Variants in ADGRB2 observed in about 807,000 individuals in gnomAD.
ADGRB2 encodes the protein brain-specific angiogenesis inhibitor 2.
Under a neutral mutation model 178.7 loss-of-function variants are expected in ADGRB2, and 47 were observed. The observed-to-expected ratio is 0.26, with a 90% CI of 0.21 to 0.34. The LOEUF is 0.34. Among genes scored for constraint, ADGRB2 ranks in the 10% least tolerant of loss-of-function variants. The probability of loss-of-function intolerance (pLI) is 1.00; values close to 1 mark genes in which losing one functional copy is unlikely to be tolerated. For missense variants in ADGRB2, 1,584 were observed against 2,180.8 expected (o/e 0.73, Z 5.45); for synonymous variants, 870 against 912.4 (o/e 0.95, Z 0.84).
rs766433648 is a variant in ADGRB2, at chr1:31,740,143, C to T, written c.2025G>A (p.Ala675=). 57 of 1,613,986 alleles carry T rather than the reference C, an allele frequency of 3.5e-5. No individual in the cohort carries two copies. Among genetic ancestry groups the T allele is most frequent in the Non-Finnish European group, 3.1e-5 (37 of 1,180,026 alleles). Residue 675 remains alanine (A), a synonymous_variant, in exon 13 of 33, where the codon GCG becomes GCA. Coordinates refer to ENST00000373658, the MANE Select transcript of ADGRB2 (RefSeq NM_001364857.2). The surrounding 1 kb of genome is among the most constrained non-coding windows in gnomAD (Gnocchi z 5.9). ...FFQVVSFMVD[A]ENKEKWDDAQ... ...CATCGTCCCACTTCTCCTTGTTTTC[C>T]GCATCCACCATGAAGCTCACCACCT...
In ADGRB2 at chr1:31,731,010, G is replaced by A; in HGVS notation, c.4170C>T (p.Ala1390=). 1 of 1,579,388 alleles carries A rather than the reference G, an allele frequency of 6.3e-7. No individual in the cohort carries two copies. Among genetic ancestry groups the A allele is most frequent in the Non-Finnish European group, 8.6e-7 (1 of 1,159,818 alleles). The change falls in exon 29 of 33, where the codon GCC becomes GCT. Residue 1390 remains alanine, a synonymous_variant. Coordinates refer to ENST00000373658, the MANE Select transcript of ADGRB2 (RefSeq NM_001364857.2). ...GTPRRAAKTV[A]HTEGYPSFLS... is the part of the protein sequence containing the mutation. Reference sequence around the variant, plus strand: ...GGAAGCTGGGGTAGCCTTCAGTGTGGGCCACTGTCTTGGCAGCTCGCCGGG... The same window carrying A: ...GGAAGCTGGGGTAGCCTTCAGTGTGAGCCACTGTCTTGGCAGCTCGCCGGG...
Position 31,740,600 on chromosome 1 carries a change from G to GT in ADGRB2, c.1795-60_1795-59insA. 1 of 1,484,728 alleles carries GT rather than the reference G, an allele frequency of 6.7e-7. No individual in the cohort carries two copies. The highest frequency in any genetic ancestry group is 1.3e-5 in the South Asian group (1 of 74,252). 92.0% of individuals were successfully genotyped at this position (1,484,728 alleles called of 1,614,324 possible). On this transcript the variant is annotated intron_variant, in intron 11 of 32. Transcript: ENST00000373658. The surrounding 1 kb of genome is among the most constrained non-coding windows in gnomAD (Gnocchi z 5.9). ...TGTCAGGAGCTGGAACCAGACCCTG[G>GT]CCCATCCCACTCCAGTCCACCCACT... is the stretch of plus-strand genomic sequence containing the variant.
At chr1:31,730,186 C>T (rs1645204999) in intron 29 of ADGRB2, among the ~76,000 whole-genome samples, 1 of 152,240 alleles carries the variant, frequency 6.6e-6, no homozygotes, top group South Asian at 2.1e-4. Context: ...GAAGGATTCA[C>T]AGAACACACA....
At chr1:31,746,770 T>C (rs1318877473) in intron 4 of ADGRB2, among the ~76,000 whole-genome samples, 1 of 152,170 alleles carries the variant, frequency 6.6e-6, no homozygotes, top group Non-Finnish European at 1.5e-5. Context: ...GGCCTGGGCC[T>C]GCATCCCCCT....
In ADGRB2 at chr1:31,737,696, G is replaced by A; in HGVS notation, c.2832C>T (p.Cys944=). ...VPLVIGCAVS[C]MALLTLLAIY... ...TGGCGAGCAGGGTGAGCAGCGCCAT[G>A]CACGACACTGCACAGCCGATCACCA... is the stretch of plus-strand genomic sequence containing the variant. Residue 944 remains cysteine, a synonymous_variant, in exon 19 of 33, where the codon TGC becomes TGT. Transcript: ENST00000373658. The A allele has an allele frequency of 6.2e-7, 1 of 1,613,730 alleles. No individual in the cohort carries two copies. Among genetic ancestry groups the A allele is most frequent in the South Asian group, 1.1e-5 (1 of 91,082 alleles).
Position 31,744,069 on chromosome 1 carries a change from G to C in ADGRB2, c.1087+124C>G, listed in dbSNP as rs1646138876. 2 of 1,272,042 alleles carry C rather than the reference G, an allele frequency of 1.6e-6. No homozygotes were observed. Among genetic ancestry groups the C allele is most frequent in the Non-Finnish European group, 2.1e-6 (2 of 939,062 alleles). 78.8% of individuals were successfully genotyped at this position (1,272,042 alleles called of 1,614,324 possible). ...GGTACGCAGAGTTGGGCATGGTGTG[G>C]GGAACAGCCACATTTGTTGAATGAA... On this transcript the variant is annotated intron_variant, in intron 6 of 32. Coordinates refer to ENST00000373658, the MANE Select transcript of ADGRB2 (RefSeq NM_001364857.2). The surrounding 1 kb of genome is among the most constrained non-coding windows in gnomAD (Gnocchi z 6.7).
Position 31,744,834 on chromosome 1 carries a change from G to A in ADGRB2, c.839-103C>T. 1 of 1,066,750 alleles carries A rather than the reference G, an allele frequency of 9.4e-7. No homozygotes were observed. The highest frequency in any genetic ancestry group is 1.4e-6 in the Non-Finnish European group (1 of 697,734). 66.1% of individuals were successfully genotyped at this position (1,066,750 alleles called of 1,614,324 possible). On this transcript the variant is annotated intron_variant, in intron 4 of 32. Coordinates refer to ENST00000373658, the MANE Select transcript of ADGRB2 (RefSeq NM_001364857.2). The surrounding 1 kb of genome is among the most constrained non-coding windows in gnomAD (Gnocchi z 6.7). ...TCCTTGCCCTCCGCCTGAGGGCCTG[G>A]AACCAACTGCATGATGCTCTCTCAG...
chr1:31,727,816 G>T lies in ADGRB2; in HGVS notation c.4572+209C>A. The T allele has an allele frequency of 1.2e-6, 1 of 860,436 alleles. No homozygotes were observed. Among genetic ancestry groups the T allele is most frequent in the Non-Finnish European group, 1.7e-6 (1 of 576,668 alleles). 53.3% of individuals were successfully genotyped at this position (860,436 alleles called of 1,614,324 possible). A position where few individuals can be genotyped will look rare whatever the true frequency, so the allele number is the denominator to read the frequency against. ...TGGCCCCCAGGACATGTCTCCTGCT[G>T]ACCACTCTCCCTCCCAATCCTGGAG... On this transcript the variant is annotated intron_variant, in intron 32 of 32. Transcript: ENST00000373658. The surrounding 1 kb of genome is among the most constrained non-coding windows in gnomAD (Gnocchi z 4.4).
Position 31,737,538 on chromosome 1 carries a change from G to A in ADGRB2, c.2877-7C>T, listed in dbSNP as rs1281155132. On this transcript the variant is annotated splice_region_variant and splice_polypyrimidine_tract_variant and intron_variant, in intron 19 of 32. Coordinates refer to ENST00000373658, the MANE Select transcript of ADGRB2 (RefSeq NM_001364857.2). ...GCGTTCAGATTTTATGAACCTGCCG[G>A]GGCACAGCAGGCAGGGACAGAGGCG... The A allele has an allele frequency of 6.2e-6, 10 of 1,613,694 alleles. No individual in the cohort carries two copies. The highest frequency in any genetic ancestry group is 8.5e-6 in the Non-Finnish European group (10 of 1,179,720).
At position 31,727,562 on chromosome 1, in the gene ADGRB2, C is replaced by G; in HGVS notation, c.4616G>C (p.Arg1539Pro). 3 of 1,573,654 alleles carry G rather than the reference C, an allele frequency of 1.9e-6. No individual in the cohort carries two copies. The highest frequency in any genetic ancestry group is 2.6e-6 in the Non-Finnish European group (3 of 1,166,546). ...GAAGGTGCTCCAGCTCTGATGGCGCCGATGTTGGGACAAGCTGGGGCGCTC... is the reference window on the plus strand; with the variant it reads ...GAAGGTGCTCCAGCTCTGATGGCGCGGATGTTGGGACAAGCTGGGGCGCTC... ...PGERPSLSQHRRHQSWSTFKS... is the reference protein window; with the variant it reads ...PGERPSLSQHPRHQSWSTFKS... Residue 1539 changes from arginine (R) to proline (P), a missense_variant, in exon 33 of 33, where the codon CGG becomes CCG. By Grantham distance (103) the Arg-to-Pro change is moderately radical (BLOSUM62 -2). Transcript: ENST00000373658. The surrounding 1 kb of genome is among the most constrained non-coding windows in gnomAD (Gnocchi z 4.4).
Position 31,728,151 on chromosome 1 carries a change from G to A in ADGRB2, c.4515+31C>T, listed in dbSNP as rs552766679. 1.2e-6 allele frequency: 2 copies of A among 1,613,990 alleles called. No homozygotes were observed. Among genetic ancestry groups the A allele is most frequent in the South Asian group, 2.2e-5 (2 of 91,082 alleles). ...GCACCAGGTCAGGCCCTGAGCTTCAGGGCAGGGGCAGCCACGGGAGGAGCC... is the reference window on the plus strand; with the variant it reads ...GCACCAGGTCAGGCCCTGAGCTTCAAGGCAGGGGCAGCCACGGGAGGAGCC... On this transcript the variant is annotated intron_variant, in intron 31 of 32. Coordinates refer to ENST00000373658, the MANE Select transcript of ADGRB2 (RefSeq NM_001364857.2). This position sits in a 1 kb window ranked among gnomAD's most constrained non-coding sequence, Gnocchi z 6.7.
Position 31,736,657 on chromosome 1 carries a change from T to C in ADGRB2, c.3046A>G (p.Thr1016Ala). The C allele has an allele frequency of 6.2e-7, 1 of 1,614,010 alleles. No homozygotes were observed. Residue 1016 changes from threonine to alanine, a missense_variant, in exon 21 of 33, where the codon ACC becomes GCC. Coordinates refer to ENST00000373658, the MANE Select transcript of ADGRB2 (RefSeq NM_001364857.2). ...FFLSSFCWVL[T>A]EAWQSYLAVI... ...GCCAGGTAGGACTGCCAGGCCTCGG[T>C]AAGCACCCAGCAAAAGGAGGAGAGA... is the stretch of plus-strand genomic sequence containing the variant.
Position 31,730,952 on chromosome 1 carries a change from G to A in ADGRB2, c.4228C>T (p.Pro1410Ser), listed in dbSNP as rs1027745797. 2.5e-6 allele frequency: 4 copies of A among 1,569,266 alleles called. No homozygotes were observed. Among genetic ancestry groups the A allele is most frequent in the Non-Finnish European group, 3.5e-6 (4 of 1,155,418 alleles). ...SVDHSGLGLG[P>S]AYGSLQNPYG... is the part of the protein sequence containing the mutation. Reference sequence around the variant, plus strand: ...GGATTCTGGAGAGATCCATAGGCAGGGCCCAGCCCCAGGCCCGAGTGGTCC... The same window carrying A: ...GGATTCTGGAGAGATCCATAGGCAGAGCCCAGCCCCAGGCCCGAGTGGTCC... The change falls in exon 29 of 33, where the codon CCT (proline) becomes TCT (serine). Residue 1410 changes from proline to serine, a missense_variant. This residue lies in a region of ADGRB2 where 865 missense variants were observed against 1,192.8 expected (regional missense o/e 0.73). Transcript: ENST00000373658.
At position 31,744,403 on chromosome 1, in the gene ADGRB2, A is replaced by G; in HGVS notation, c.923-46T>C. 6.5e-7 allele frequency: 1 copy of G among 1,544,358 alleles called. No individual in the cohort carries two copies. Among genetic ancestry groups the G allele is most frequent in the Non-Finnish European group, 8.7e-7 (1 of 1,145,798 alleles). ...CGGCGGCAGGGGGCACCTCCCAAGC[A>G]CTCAGTCTCATAGGGATAGGGGGAG... On this transcript the variant is annotated intron_variant, in intron 5 of 32. Coordinates refer to ENST00000373658, the MANE Select transcript of ADGRB2 (RefSeq NM_001364857.2). This position sits in a 1 kb window ranked among gnomAD's most constrained non-coding sequence, Gnocchi z 6.7.
At chr1:31,738,435 G>C in intron 17 of ADGRB2, 109 bp from the exon 18 acceptor site, 2 of 1,555,476 alleles carry the variant, frequency 1.3e-6, no homozygotes, top group Non-Finnish European at 1.8e-6. Context: ...CCACATCCAC[G>C]AGGCAACAGC....
chr1:31,738,735 T>G (rs1645767648), intron 16 of ADGRB2, 97 bp downstream of exon 16: 2 of 1,594,822 alleles, frequency 1.3e-6, no homozygotes, highest in Non-Finnish European at 1.7e-6. Flanking sequence ...GGTCCAGGGT[T>G]CAGCCCACCA....
rs1646947660 is a variant in ADGRB2, at chr1:31,758,719, C to G, written c.-190-1208G>C. The stretch of plus-strand genomic sequence containing the variant: ...GACCTACTCACTGCAGAGGAGCCAC[C>G]CCACCCTCCTCCCAAGACCCACATG... On this transcript the variant is annotated intron_variant, in intron 1 of 32. Transcript: ENST00000373658. The surrounding 1 kb of genome is among the most constrained non-coding windows in gnomAD (Gnocchi z 4.2). 1 of 158,982 alleles carries G rather than the reference C, an allele frequency of 6.3e-6. No individual in the cohort carries two copies. The highest frequency in any genetic ancestry group is 2.4e-5 in the African/African-American group (1 of 41,674). 9.8% of individuals were successfully genotyped at this position (158,982 alleles called of 1,614,324 possible).
At chr1:31,745,854 C>G (rs997785244) in intron 4 of ADGRB2, among the ~76,000 whole-genome samples, 8 of 152,182 alleles carry the variant, frequency 5.3e-5, no homozygotes, top group Non-Finnish European at 1.0e-4. Flanking sequence ...CTCTTTCTCA[C>G]CAAGCATGAG....
At chr1:31,749,518 C>A (rs1646449649) in intron 4 of ADGRB2, among the ~76,000 whole-genome samples, 2 of 152,232 alleles carry the variant, frequency 1.3e-5, no homozygotes, top group African/African-American at 4.8e-5. Flanking sequence ...GCTTCAGATT[C>A]TCTGAAGGTA....
Sources: allele counts gnomAD v4.1 joint callset (sites outside exome capture counted in the v4.1 genomes callset), GRCh38; gene constraint gnomAD v4.1.1; regional missense constraint gnomAD v4.1.1; non-coding constraint Gnocchi (gnomAD v3.1); transcripts MANE v1.5; gene names NCBI Gene and HGNC (gene_info 2026-07-23, HGNC 2026-07-21).